The following RXFP1 variants were observed in gnomAD, a reference collection of about 807,000 sequenced individuals.
RXFP1 encodes the protein relaxin receptor 1.
In RXFP1, 73 loss-of-function variants were observed where a neutral mutation model predicts 89.8. The ratio of observed to expected loss-of-function variants is 0.81; its 90% CI spans 0.67 to 0.99. RXFP1 has a LOEUF of 0.99. Ranked by LOEUF, RXFP1 falls within the 50% of genes least tolerant of loss-of-function variation. The pLI is 0.00. For synonymous variants in RXFP1, 277 were observed against 305.5 expected, an observed-to-expected ratio of 0.91 and a Z score of 0.97; for missense variants, 793 against 895.5, an observed-to-expected ratio of 0.89 and a Z score of 1.46.
intron 9 of RXFP1, among the ~76,000 whole-genome samples, chr4:158,617,429 ATAT>A (rs1561137361): frequency 1.4e-5 from 2 of 140,958 alleles, no homozygotes; most frequent in Admixed American, 7.0e-5. Context: ...CAAAAAAAAT[ATAT>A]ATATATATAT....
intron 2 of RXFP1, among the ~76,000 whole-genome samples, chr4:158,581,714 T>C (rs1757388249): frequency 6.6e-6 from 1 of 152,198 alleles, no homozygotes. Flanking sequence ...CCTTTAAAGA[T>C]GGAGACATTG....
chr4:158,580,428 A>G (rs1240838779), intron 2 of RXFP1, among the ~76,000 whole-genome samples: 3 of 152,182 alleles, frequency 2.0e-5, no homozygotes, highest in Non-Finnish European at 4.4e-5. Context: ...TAAATGTACA[A>G]TATACCAAGT....
Position 158,537,208 on chromosome 4 carries a change from G to A in RXFP1, c.49+15183G>A, listed in dbSNP as rs575435552. 1.1e-4 allele frequency among the ~76,000 whole-genome samples: 16 copies of A among 152,194 alleles called. No homozygotes were observed. The East Asian group carries it at 2.7e-3, about 26-fold the overall frequency. ...TTTGATGACAAACTACAGCTGTGGG[G>A]AATATAGCATTATCCCCACCACTGT... is the stretch of plus-strand genomic sequence containing the variant. On this transcript the variant is annotated intron_variant, in intron 1 of 17. Coordinates refer to ENST00000307765, the MANE Select transcript of RXFP1 (RefSeq NM_021634.4).
intron 1 of RXFP1, among the ~76,000 whole-genome samples, chr4:158,540,025 C>A (rs1746215825): frequency 6.6e-6 from 1 of 152,104 alleles, no homozygotes; most frequent in African/African-American, 2.4e-5. Context: ...TTTGTACATC[C>A]ATTAATTTTA....
intron 1 of RXFP1, among the ~76,000 whole-genome samples, chr4:158,562,503 G>A (rs1300701371): frequency 3.1e-5 from 3 of 97,710 alleles, no homozygotes; most frequent in South Asian, 4.3e-4. Context: ...CAGCCTGGGC[G>A]ACAGAGCGAG....
chr4:158,559,962 T>C (rs937293842), intron 1 of RXFP1, among the ~76,000 whole-genome samples: 5 of 152,234 alleles, frequency 3.3e-5, no homozygotes, highest in Admixed American at 6.5e-5. Flanking sequence ...AGGACTTCTT[T>C]CCCAAAGAGT....
chr4:158,605,214 G>A, intron 5 of RXFP1, 75 bp downstream of exon 5: 1 of 791,996 alleles, frequency 1.3e-6, no homozygotes, highest in South Asian at 1.7e-5. Context: ...CTACTTCTGT[G>A]AACACCAACA....
chr4:158,569,804 T>G (rs1405167828), intron 1 of RXFP1, among the ~76,000 whole-genome samples: 1 of 152,188 alleles, frequency 6.6e-6, no homozygotes, highest in East Asian at 1.9e-4. Flanking sequence ...GAGTGTTCTT[T>G]TTTGTTGGTG....
chr4:158,605,057 A>G lies in RXFP1; in HGVS notation c.393-11A>G, dbSNP rs770739495. 1.3e-6 allele frequency: 2 copies of G among 1,493,596 alleles called. No individual in the cohort carries two copies. The highest frequency in any genetic ancestry group is 1.8e-5 in the Admixed American group (1 of 54,674). The allele number at this position is 1,493,596 out of a possible 1,614,324, so 92.5% of individuals were successfully genotyped here. On this transcript the variant is annotated splice_polypyrimidine_tract_variant and intron_variant, in intron 4 of 17. Coordinates refer to ENST00000307765, the MANE Select transcript of RXFP1 (RefSeq NM_021634.4). Reference sequence around the variant, plus strand: ...AACAACTTTAAGAATCAAAATTTACATTTATTTCAGGTCACTTCAGTGGAA... The same window carrying G: ...AACAACTTTAAGAATCAAAATTTACGTTTATTTCAGGTCACTTCAGTGGAA...
intron 15 of RXFP1, 134 bp from the exon 16 acceptor site, chr4:158,646,657 G>C: frequency 3.5e-6 from 5 of 1,443,544 alleles, no homozygotes; most frequent in Non-Finnish European, 4.5e-6. Flanking sequence ...GAATTATTAG[G>C]AGAATAAAAA....
At chr4:158,549,542 T>C (rs1167401459) in intron 1 of RXFP1, among the ~76,000 whole-genome samples, 8 of 152,214 alleles carry the variant, frequency 5.3e-5, no homozygotes, top group Non-Finnish European at 1.2e-4. Flanking sequence ...TTTTAGAGTT[T>C]CCAGTTTTTC....
intron 2 of RXFP1, among the ~76,000 whole-genome samples, chr4:158,590,792 C>T (rs769611654): frequency 6.6e-6 from 1 of 152,062 alleles, no homozygotes; most frequent in Non-Finnish European, 1.5e-5. Context: ...AAGGAGGAAA[C>T]AGAAACCACT....
chr4:158,627,156 A>G lies in RXFP1; in HGVS notation c.827+265A>G, dbSNP rs139186337. On this transcript the variant is annotated intron_variant, in intron 10 of 17. Coordinates refer to ENST00000307765, the MANE Select transcript of RXFP1 (RefSeq NM_021634.4). ...AACAAAATACTGCTGAATGTTCACAACCTTGAGGATGTAATTATGGACATC... is the reference window on the plus strand; with the variant it reads ...AACAAAATACTGCTGAATGTTCACAGCCTTGAGGATGTAATTATGGACATC... 3.3e-4 allele frequency among the ~76,000 whole-genome samples: 50 copies of G among 152,304 alleles called. 1 individual carries two copies. The East Asian group carries it at 5.2e-3, about 16-fold the overall frequency.
At chr4:158,535,676 A>T (rs1745118213) in intron 1 of RXFP1, among the ~76,000 whole-genome samples, 1 of 152,266 alleles carries the variant, frequency 6.6e-6, no homozygotes, top group Admixed American at 6.5e-5. Flanking sequence ...ATACATTTTT[A>T]AAATATTTTC....
At chr4:158,559,650 C>T (rs944848116) in intron 1 of RXFP1, among the ~76,000 whole-genome samples, 2 of 152,112 alleles carry the variant, frequency 1.3e-5, no homozygotes, top group Non-Finnish European at 2.9e-5. Context: ...GTATTTACGA[C>T]AAAAAAGCCA....
At chr4:158,549,369 T>A (rs1195105328) in intron 1 of RXFP1, among the ~76,000 whole-genome samples, 3 of 152,104 alleles carry the variant, frequency 2.0e-5, no homozygotes, top group African/African-American at 4.8e-5. Flanking sequence ...TTTTTCAAAG[T>A]TTTTAACTTC....
intron 17 of RXFP1, among the ~76,000 whole-genome samples, chr4:158,649,581 C>T (rs746219910): frequency 2.0e-5 from 3 of 151,284 alleles, no homozygotes; most frequent in Non-Finnish European, 3.0e-5. Context: ...ACTGCACTCC[C>T]GTCTGGGTGA....
At chr4:158,556,083 T>G (rs1480381690) in intron 1 of RXFP1, among the ~76,000 whole-genome samples, 3 of 152,086 alleles carry the variant, frequency 2.0e-5, no homozygotes, top group African/African-American at 7.2e-5. Context: ...GACAAATGGA[T>G]TATATCAAAC....
chr4:158,578,230 G>GT (rs995236138), intron 2 of RXFP1, among the ~76,000 whole-genome samples: 4 of 152,028 alleles, frequency 2.6e-5, no homozygotes, highest in Admixed American at 6.5e-5. Context: ...AATTCCATTT[G>GT]TTTTTTTGCC....
Sources: allele counts gnomAD v4.1 joint callset (sites outside exome capture counted in the v4.1 genomes callset), GRCh38; gene constraint gnomAD v4.1.1; transcripts MANE v1.5; gene names NCBI Gene and HGNC (gene_info 2026-07-23, HGNC 2026-07-21).